CYP4X1: variants seen among roughly 807,000 people sequenced by gnomAD.
CYP4X1 encodes the protein cytochrome P450 family 4 subfamily X member 1.
In CYP4X1, 44 loss-of-function variants were observed where a neutral mutation model predicts 57.9. That is an observed-to-expected ratio of 0.76 (90% confidence interval 0.60 to 0.98). The LOEUF is 0.98. Ranked by LOEUF, CYP4X1 falls within the 50% of genes least tolerant of loss-of-function variation. The pLI, the probability that CYP4X1 is intolerant of heterozygous loss-of-function variation, is 0.00. For synonymous variants in CYP4X1, 227 were observed against 228.6 expected (o/e 0.99, Z 0.06); for missense variants, 532 against 623.9 (o/e 0.85, Z 1.57).
At chr1:47,049,369 A>G (rs2148517391) in intron 10 of CYP4X1, 53 bp from the exon 11 acceptor site, 2 of 1,381,022 alleles carry the variant, frequency 1.4e-6, no homozygotes, top group South Asian at 2.3e-5. Context: ...GTAGGTGAAG[A>G]AATGTGTTCA....
chr1:46,999,888 A>G, the CYP4X1 span, among the ~76,000 whole-genome samples: 1 of 151,868 alleles, frequency 6.6e-6, no homozygotes, highest in Non-Finnish European at 1.5e-5. Context: ...GTCTCAGATG[A>G]GAATTTGGAG....
chr1:46,961,650 C>T, the CYP4X1 span: 1 of 1,290,610 alleles, frequency 7.7e-7, no homozygotes, highest in African/African-American at 1.5e-5. Flanking sequence ...CCCTGCTTAT[C>T]AAGGTGCCTC....
At chr1:47,016,654 C>T in the CYP4X1 span, among the ~76,000 whole-genome samples, 55,880 of 152,060 alleles carry the variant, frequency 0.37, 12,105 homozygotes, top group East Asian at 0.72. Flanking sequence ...GTGTATATAT[C>T]TATGGGGTAC....
downstream of CYP4X1, among the ~76,000 whole-genome samples, chr1:47,054,358 C>T (rs1190197501): frequency 6.6e-6 from 1 of 152,122 alleles, no homozygotes; most frequent in Non-Finnish European, 1.5e-5. Flanking sequence ...AGCATGATGC[C>T]TCCAGCTTTG....
At chr1:47,031,368 A>T (rs1557603338) in intron 2 of CYP4X1, 68 bp from the exon 3 acceptor site, 1 of 1,573,004 alleles carries the variant, frequency 6.4e-7, no homozygotes. Flanking sequence ...GAAAACCGTC[A>T]CCAACTTGAA....
At chr1:47,007,061 A>G in the CYP4X1 span, among the ~76,000 whole-genome samples, 157 of 152,322 alleles carry the variant, frequency 1.0e-3, no homozygotes, top group African/African-American at 3.6e-3. Context: ...TCCCTGTCTG[A>G]CAGCTTTGAA....
At position 47,049,984 on chromosome 1, in the gene CYP4X1, TC is replaced by T; in HGVS notation, c.1356-13del. The T allele has an allele frequency of 6.2e-7, 1 of 1,608,998 alleles. No homozygotes were observed. The highest frequency in any genetic ancestry group is 1.1e-5 in the South Asian group (1 of 89,956). On this transcript the variant is annotated splice_polypyrimidine_tract_variant and intron_variant, in intron 11 of 11. Transcript: ENST00000371901. ...TCATTTTTTCAAGTATCACTTTCTT[TC>T]CCTCTTGTCTTCAGGAACTGCATTG...
intron 6 of CYP4X1, 63 bp downstream of exon 6, chr1:47,036,234 G>A: frequency 1.3e-6 from 2 of 1,506,016 alleles, no homozygotes; most frequent in Admixed American, 2.1e-5. Context: ...TGTCTGTCTA[G>A]AGGGATAAAC....
Position 47,046,493 on chromosome 1 carries a change from C to A in CYP4X1, c.1100C>A (p.Thr367Asn), listed in dbSNP as rs1357018847. 7 of 1,614,170 alleles carry A rather than the reference C, an allele frequency of 4.3e-6. No homozygotes were observed. The highest frequency in any genetic ancestry group is 5.9e-6 in the Non-Finnish European group (7 of 1,180,032). ...GACCAGCTGGGTGAGATGTCGTACA[C>A]CACAATGTGCATCAAGGAGACGTGC... ...TWDQLGEMSY[T>N]TMCIKETCRL... Residue 367 changes from threonine (T) to asparagine (N), a missense_variant, in exon 9 of 12, where the codon ACC becomes AAC. Physicochemically the swap from Thr to Asn is moderately conservative, Grantham distance 65 (BLOSUM62 0). Coordinates refer to ENST00000371901, the MANE Select transcript of CYP4X1 (RefSeq NM_178033.2).
the CYP4X1 span, among the ~76,000 whole-genome samples, chr1:46,998,716 T>C: frequency 1.3e-5 from 2 of 152,170 alleles, no homozygotes; most frequent in Admixed American, 1.3e-4. Context: ...TGTCTCATAT[T>C]TAAATCTTTA....
the CYP4X1 span, among the ~76,000 whole-genome samples, chr1:47,015,820 C>A: frequency 6.6e-6 from 1 of 152,226 alleles, no homozygotes; most frequent in South Asian, 2.1e-4. Flanking sequence ...CCATTCTATT[C>A]AATGCCCCAT....
At chr1:46,978,823 A>C in the CYP4X1 span, among the ~76,000 whole-genome samples, 1 of 152,178 alleles carries the variant, frequency 6.6e-6, no homozygotes, top group Non-Finnish European at 1.5e-5. Context: ...TAAGAAACTC[A>C]CTCAAAACTG....
chr1:47,054,567 C>A (rs894307748), downstream of CYP4X1, among the ~76,000 whole-genome samples: 8 of 152,116 alleles, frequency 5.3e-5, no homozygotes, highest in Admixed American at 2.6e-4. Flanking sequence ...AATGTTCTTC[C>A]ATTTGTTTGT....
chr1:47,000,803 A>T, the CYP4X1 span: 1 of 153,322 alleles, frequency 6.5e-6, no homozygotes. Context: ...GACAACATAC[A>T]GGTGGGAAGA....
the CYP4X1 span, among the ~76,000 whole-genome samples, chr1:46,977,452 G>T: frequency 3.3e-5 from 5 of 152,034 alleles, no homozygotes; most frequent in African/African-American, 1.2e-4. Flanking sequence ...AATGAACAAA[G>T]CCTCCAAGAA....
the CYP4X1 span, among the ~76,000 whole-genome samples, chr1:47,001,748 C>T: frequency 6.6e-6 from 1 of 152,236 alleles, no homozygotes; most frequent in African/African-American, 2.4e-5. Context: ...TTCCTCCACA[C>T]TGAAGCCACA....
chr1:47,010,276 T>G, the CYP4X1 span, among the ~76,000 whole-genome samples: 5 of 152,224 alleles, frequency 3.3e-5, no homozygotes, highest in Non-Finnish European at 5.9e-5. Context: ...TCAATAAATG[T>G]AATCCAGCAT....
the CYP4X1 span, among the ~76,000 whole-genome samples, chr1:46,970,759 C>T: frequency 6.6e-6 from 1 of 152,166 alleles, no homozygotes; most frequent in Non-Finnish European, 1.5e-5. Flanking sequence ...AAGACAGCAA[C>T]AATTAAGTGC....
chr1:46,968,960 C>T, the CYP4X1 span, among the ~76,000 whole-genome samples: 4 of 152,210 alleles, frequency 2.6e-5, no homozygotes, highest in Non-Finnish European at 4.4e-5. Flanking sequence ...GTTCTGAGCT[C>T]GAATTTGTGC....
Sources: gnomAD v4.1 joint callset for allele counts (sites outside exome capture counted in the v4.1 genomes callset) on GRCh38, gnomAD v4.1.1 for gene constraint, MANE v1.5 for transcripts, NCBI Gene and HGNC (gene_info 2026-07-23, HGNC 2026-07-21) for gene names.